Variants in PCDHA6 observed in about 807,000 individuals in gnomAD.
PCDHA6 encodes the protein protocadherin alpha-6.
Under a neutral mutation model 60.3 loss-of-function variants are expected in PCDHA6, and 55 were observed. The ratio of observed to expected loss-of-function variants is 0.91; its 90% CI spans 0.73 to 1.14. PCDHA6 has a LOEUF of 1.14. Among genes scored for constraint, PCDHA6 ranks in the 50% most tolerant of loss-of-function variants. The pLI is 0.00. For synonymous variants in PCDHA6, 652 were observed against 557.9 expected (o/e 1.17, Z -2.38); for missense variants, 1,327 against 1,256.5 (o/e 1.06, Z -0.85).
intron 1 of PCDHA6, chr5:140,834,176 G>T: frequency 1.8e-6 from 1 of 555,610 alleles, no homozygotes; most frequent in South Asian, 2.7e-5. Context: ...TTACATGATG[G>T]CCACATGATG....
chr5:140,873,639 T>G (rs567970956), intron 1 of PCDHA6, among the ~76,000 whole-genome samples: 1 of 152,346 alleles, frequency 6.6e-6, no homozygotes, highest in African/African-American at 2.4e-5. Context: ...AAAGAGTATG[T>G]GAGAACTACA....
chr5:140,969,536 C>A, intron 1 of PCDHA6: 1 of 1,332,634 alleles, frequency 7.5e-7, no homozygotes, highest in South Asian at 1.6e-5. Flanking sequence ...TTTTCATTTT[C>A]AGAGGCATGA....
chr5:140,972,583 T>G (rs1445659828), intron 1 of PCDHA6, among the ~76,000 whole-genome samples: 1 of 152,088 alleles, frequency 6.6e-6, no homozygotes, highest in African/African-American at 2.4e-5. Flanking sequence ...TAGGGCAGAA[T>G]TTCTCTTTGG....
intron 3 of PCDHA6, among the ~76,000 whole-genome samples, chr5:141,007,087 A>G (rs1554261040): frequency 6.6e-6 from 1 of 152,112 alleles, no homozygotes; most frequent in African/African-American, 2.4e-5. Context: ...AATAGAGAAG[A>G]GAGTCTAGGG....
chr5:140,856,078 C>G, intron 1 of PCDHA6: 18 of 1,594,016 alleles, frequency 1.1e-5, no homozygotes, highest in Non-Finnish European at 1.5e-5. Context: ...GCCTGGGGGT[C>G]CAGTGTCTGC....
At chr5:140,899,201 G>T (rs1400966236) in intron 1 of PCDHA6, among the ~76,000 whole-genome samples, 5 of 151,818 alleles carry the variant, frequency 3.3e-5, no homozygotes, top group Admixed American at 6.6e-5. Context: ...CTGCCTAATT[G>T]CCCTGGCCAG....
intron 3 of PCDHA6, among the ~76,000 whole-genome samples, chr5:141,003,559 T>C (rs2098129977): frequency 6.6e-6 from 1 of 152,106 alleles, no homozygotes; most frequent in Admixed American, 6.5e-5. Context: ...GTGATCCACC[T>C]GCCTCAGACT....
chr5:140,987,228 TAATA>T (rs1459014222), intron 3 of PCDHA6, among the ~76,000 whole-genome samples: 2 of 149,038 alleles, frequency 1.3e-5, no homozygotes, highest in Non-Finnish European at 3.0e-5. Flanking sequence ...AAAAAAAAAA[TAATA>T]AATAAAGAAA....
chr5:140,917,746 G>T (rs1200600528), intron 1 of PCDHA6, among the ~76,000 whole-genome samples: 2 of 152,122 alleles, frequency 1.3e-5, no homozygotes, highest in Non-Finnish European at 2.9e-5. Context: ...CTGTCCCATT[G>T]GTCTATGTGT....
rs115674887 is a variant in PCDHA6, at chr5:140,842,176, T to G, written c.2394+11691T>G. 1,504 of 1,613,900 alleles carry G rather than the reference T, an allele frequency of 9.3e-4. 22 individuals are homozygous for G. The African/African-American group carries it at 0.018, about 19-fold the overall frequency. ...TTTCATATTCTTTTAATAGCCTTGT[T>G]GAAACTATGGTTATTGACCACTTTA... On this transcript the variant is annotated intron_variant, in intron 1 of 3. Transcript: ENST00000529310.
At chr5:140,853,146 T>G in intron 1 of PCDHA6, 1 of 817,808 alleles carries the variant, frequency 1.2e-6, no homozygotes, top group Non-Finnish European at 1.5e-6. Flanking sequence ...CCCAAAATGC[T>G]GGGATTACAG....
intron 1 of PCDHA6, among the ~76,000 whole-genome samples, chr5:140,950,457 A>C (rs1392302571): frequency 6.6e-6 from 1 of 152,048 alleles, no homozygotes; most frequent in Non-Finnish European, 1.5e-5. Flanking sequence ...ACTGTCTTCT[A>C]ATGCTCATAG....
intron 1 of PCDHA6, among the ~76,000 whole-genome samples, chr5:140,939,994 G>A (rs2092519687): frequency 6.6e-6 from 1 of 151,998 alleles, no homozygotes; most frequent in African/African-American, 2.4e-5. Flanking sequence ...TTTCTCCTTG[G>A]ATTTTGTCAA....
chr5:140,842,542 G>A (rs1432404802), intron 1 of PCDHA6: 6 of 1,608,260 alleles, frequency 3.7e-6, no homozygotes, highest in African/African-American at 1.3e-5. Flanking sequence ...ACTACTCGTT[G>A]GTGCTGGACA....
chr5:140,884,468 C>G, intron 1 of PCDHA6: 4 of 1,613,762 alleles, frequency 2.5e-6, no homozygotes, highest in Non-Finnish European at 3.4e-6. Context: ...CGCGTGCGCG[C>G]CGGGCAAGCC....
chr5:140,953,713 A>T (rs1372806666), intron 1 of PCDHA6, among the ~76,000 whole-genome samples: 1 of 152,218 alleles, frequency 6.6e-6, no homozygotes, highest in Admixed American at 6.5e-5. Context: ...TGAGCTTCAG[A>T]CATTGTGTTT....
At chr5:140,884,141 G>C in intron 1 of PCDHA6, 1 of 1,613,422 alleles carries the variant, frequency 6.2e-7, no homozygotes, top group South Asian at 1.1e-5. Flanking sequence ...GTTCCGCGTG[G>C]GGCTGTACAC....
intron 3 of PCDHA6, among the ~76,000 whole-genome samples, chr5:141,003,916 A>C (rs1176586597): frequency 3.9e-5 from 6 of 152,150 alleles, no homozygotes; most frequent in African/African-American, 1.4e-4. Context: ...TCTTGACTGC[A>C]TCCTCAGTCT....
chr5:140,973,799 A>G (rs1470568019), intron 1 of PCDHA6, among the ~76,000 whole-genome samples: 1 of 152,254 alleles, frequency 6.6e-6, no homozygotes, highest in African/African-American at 2.4e-5. Flanking sequence ...CATGCTGTCT[A>G]CTTGACAGAA....
Sources: allele counts gnomAD v4.1 joint callset (sites outside exome capture counted in the v4.1 genomes callset), GRCh38; gene constraint gnomAD v4.1.1; transcripts MANE v1.5; gene names NCBI Gene and HGNC (gene_info 2026-07-23, HGNC 2026-07-21).